Variants in USP10 observed in about 807,000 individuals in gnomAD.
USP10 encodes ubiquitin carboxyl-terminal hydrolase 10.
In USP10, 22 loss-of-function variants were observed where a neutral mutation model predicts 84.5. That is an observed-to-expected ratio of 0.26 (90% CI 0.19 to 0.37). USP10 has a LOEUF of 0.37. USP10 is among the 10% of genes least tolerant of loss of function. USP10 has a pLI of 1.00. For synonymous variants in USP10, 454 were observed against 387.6 expected (o/e 1.17, Z -2.01); for missense variants, 1,019 against 998.9 (o/e 1.02, Z -0.27).
intron 11 of USP10, among the ~76,000 whole-genome samples, chr16:84,771,627 G>T (rs1351919036): frequency 1.3e-5 from 2 of 152,190 alleles, no homozygotes; most frequent in Non-Finnish European, 1.5e-5. Flanking sequence ...TCAGCACTTT[G>T]GGAGGCTGAG....
chr16:84,710,073 C>T (rs1906074920), intron 1 of USP10, among the ~76,000 whole-genome samples: 1 of 152,052 alleles, frequency 6.6e-6, no homozygotes. Context: ...AGTTTGAGAC[C>T]AGTCTGGCCA....
At chr16:84,732,450 T>C in intron 1 of USP10, 1 of 405,350 alleles carries the variant, frequency 2.5e-6, no homozygotes, top group Non-Finnish European at 4.8e-6. Flanking sequence ...TCTTCTTTTT[T>C]TTTTTTTTCT....
At chr16:84,775,907 T>C (rs1478668975) in intron 13 of USP10, among the ~76,000 whole-genome samples, 1 of 152,174 alleles carries the variant, frequency 6.6e-6, no homozygotes, top group African/African-American at 2.4e-5. Context: ...CCTCTGAGTC[T>C]TTACCTCTTT....
chr16:84,733,580 T>C, intron 2 of USP10, 77 bp downstream of exon 2: 1 of 1,136,264 alleles, frequency 8.8e-7, no homozygotes, highest in Non-Finnish European at 1.2e-6. Context: ...ATTTGTTTTT[T>C]TAAATAAAGA....
chr16:84,723,925 G>T (rs538513615), intron 1 of USP10, among the ~76,000 whole-genome samples: 76 of 152,256 alleles, frequency 5.0e-4, no homozygotes, highest in African/African-American at 1.8e-3. Context: ...AACTGCTTCT[G>T]TTACAGTTTC....
At chr16:84,715,647 T>A (rs55976696) in intron 1 of USP10, among the ~76,000 whole-genome samples, 83,380 of 151,104 alleles carry the variant, frequency 0.55, 23,310 homozygotes, top group Admixed American at 0.62. Context: ...CTTTTTTTTT[T>A]AAAAAAACAA....
intron 3 of USP10, among the ~76,000 whole-genome samples, chr16:84,741,775 G>C (rs965994613): frequency 8.5e-5 from 13 of 152,158 alleles, no homozygotes; most frequent in African/African-American, 3.1e-4. Context: ...GTGTTTCCAT[G>C]ACATTAGTTT....
rs1179933264 is a variant in USP10 at position 84,701,934 on chromosome 16, CTTCTTTT to C, written c.21+1826_21+1832del. 4.5e-3 allele frequency among the ~76,000 whole-genome samples: 418 copies of C among 92,690 alleles called. 6 individuals carry two copies. Among genetic ancestry groups the C allele is most frequent in the African/African-American group, 0.017 (387 of 22,380 alleles). The allele number at this position is 92,690 out of a possible 152,430, so 60.8% of individuals were successfully genotyped here. A position where few individuals can be genotyped will look rare whatever the true frequency, so the allele number is the denominator to read the frequency against. On this transcript the variant is annotated intron_variant, in intron 1 of 13. Coordinates refer to ENST00000219473, the MANE Select transcript of USP10 (RefSeq NM_005153.3). ...TAGTTTGATTTCTCATAATTTTCTT[CTTCTTTT>C]TTTTTTTTTTTTTGAGTTGGAATTT...
chr16:84,779,129 C>G lies in USP10; in HGVS notation c.*47C>G, dbSNP rs1298670657. On this transcript the variant is annotated 3_prime_UTR_variant, in exon 14 of 14. Coordinates refer to ENST00000219473, the MANE Select transcript of USP10 (RefSeq NM_005153.3). ...CGCCCAGTGCCCGCTTCGTAGGACA[C>G]CACCTCACACTCACTTCCCGCCTCT... is the stretch of plus-strand genomic sequence containing the variant. The G allele has an allele frequency of 1.3e-6, 2 of 1,565,232 alleles. No homozygotes were observed. The highest frequency in any genetic ancestry group is 3.5e-5 in the Admixed American group (2 of 57,452).
chr16:84,774,980 G>A (rs923935601), intron 12 of USP10, among the ~76,000 whole-genome samples, 180 bp from the exon 13 acceptor site: 4 of 152,214 alleles, frequency 2.6e-5, no homozygotes, highest in East Asian at 1.9e-4. Context: ...GTCCTATTAC[G>A]TCACATGGCT....
chr16:84,727,026 G>T (rs1345400605), intron 1 of USP10, among the ~76,000 whole-genome samples: 1 of 152,216 alleles, frequency 6.6e-6, no homozygotes, highest in African/African-American at 2.4e-5. Flanking sequence ...GTTAGCCGCA[G>T]CAGTGTCACA....
At chr16:84,777,900 C>T (rs549830799) in intron 13 of USP10, among the ~76,000 whole-genome samples, 2 of 152,352 alleles carry the variant, frequency 1.3e-5, no homozygotes, top group East Asian at 1.9e-4. Flanking sequence ...CCGCGGAATG[C>T]TGCCGGACAG....
At chr16:84,777,741 C>T (rs1448701209) in intron 13 of USP10, among the ~76,000 whole-genome samples, 3 of 152,242 alleles carry the variant, frequency 2.0e-5, no homozygotes, top group Non-Finnish European at 2.9e-5. Context: ...TTTAGCCCCT[C>T]CACGTGACAA....
intron 3 of USP10, among the ~76,000 whole-genome samples, chr16:84,741,522 C>T (rs1910619486): frequency 6.6e-6 from 1 of 152,236 alleles, no homozygotes; most frequent in African/African-American, 2.4e-5. Context: ...TCTTTGAGTT[C>T]ACCCTCCTCC....
chr16:84,733,468 A>G lies in USP10; in HGVS notation c.55A>G (p.Asn19Asp), dbSNP rs1909501777. ...TGGAGATTTTAGCCCTGATGAATTCAATCAATTCTTTGTGACTCCTCGATC... is the reference window on the plus strand; with the variant it reads ...TGGAGATTTTAGCCCTGATGAATTCGATCAATTCTTTGTGACTCCTCGATC... Reference protein sequence around the residue: ...IFGDFSPDEFNQFFVTPRSSV... With the variant: ...IFGDFSPDEFDQFFVTPRSSV... Residue 19 changes from asparagine to aspartate, a missense_variant, in exon 2 of 14, where the codon AAT (asparagine) becomes GAT (aspartate). By Grantham distance (23) the Asn-to-Asp change is conservative. Coordinates refer to ENST00000219473, the MANE Select transcript of USP10 (RefSeq NM_005153.3). 2 of 1,610,536 alleles carry G rather than the reference A, an allele frequency of 1.2e-6. No individual in the cohort carries two copies. Among genetic ancestry groups the G allele is most frequent in the African/African-American group, 1.3e-5 (1 of 74,936 alleles).
chr16:84,746,090 C>G (rs1395238863), intron 4 of USP10, among the ~76,000 whole-genome samples: 1 of 151,166 alleles, frequency 6.6e-6, no homozygotes, highest in Non-Finnish European at 1.5e-5. Context: ...TGTGAAATAA[C>G]ATGGTTTTTT....
intron 2 of USP10, among the ~76,000 whole-genome samples, chr16:84,738,622 T>G (rs1910232901): frequency 6.6e-6 from 1 of 152,160 alleles, no homozygotes; most frequent in South Asian, 2.1e-4. Flanking sequence ...CAGAATGCTT[T>G]CTTCTGGGTG....
Position 84,759,999 on chromosome 16 carries a change from C to T in USP10, c.1450+53C>T. The T allele has an allele frequency of 3.8e-6, 6 of 1,596,536 alleles. 1 individual carries two copies. The highest frequency in any genetic ancestry group is 2.2e-5 in the South Asian group (2 of 90,734). On this transcript the variant is annotated intron_variant, in intron 7 of 13. Coordinates refer to ENST00000219473, the MANE Select transcript of USP10 (RefSeq NM_005153.3). ...TATTACATATTGGGAGTTATGGAGA[C>T]AGATGACTTAAATTTGGTAAATTCA...
intron 2 of USP10, among the ~76,000 whole-genome samples, chr16:84,735,348 G>A (rs375960997): frequency 2.0e-5 from 3 of 152,044 alleles, no homozygotes; most frequent in African/African-American, 7.3e-5. Flanking sequence ...ATGTGGATGG[G>A]TGGGTACCTG....
Sources: gnomAD v4.1 joint callset for allele counts (sites outside exome capture counted in the v4.1 genomes callset) on GRCh38, gnomAD v4.1.1 for gene constraint, MANE v1.5 for transcripts, NCBI Gene and HGNC (gene_info 2026-07-23, HGNC 2026-07-21) for gene names.